The following SLC31A1 variants were observed in gnomAD, a reference collection of about 807,000 sequenced individuals.
SLC31A1 encodes the protein solute carrier family 31 member 1.
Under a neutral mutation model 17.2 loss-of-function variants are expected in SLC31A1, and 5 were observed. The ratio of observed to expected loss-of-function variants is 0.29; its 90% CI spans 0.15 to 0.61. The LOEUF (loss-of-function observed/expected upper bound fraction) is 0.61, where lower values mean the gene tolerates loss of function less well. SLC31A1 is among the 20% of genes least tolerant of loss of function. The pLI is 0.86. For missense variants in SLC31A1, 161 were observed against 241.4 expected (o/e 0.67, Z 2.21); for synonymous variants, 76 against 78.8 (o/e 0.96, Z 0.19).
chr9:113,260,141 T>G, intron 4 of SLC31A1, 131 bp from the exon 5 acceptor site: 1 of 770,934 alleles, frequency 1.3e-6, no homozygotes, highest in South Asian at 1.4e-5. Flanking sequence ...CAAAGAACAT[T>G]CAAGTACCCA....
At chr9:113,234,116 T>C (rs1831428457) in intron 1 of SLC31A1, among the ~76,000 whole-genome samples, 1 of 152,226 alleles carries the variant, frequency 6.6e-6, no homozygotes, top group Non-Finnish European at 1.5e-5. Context: ...CTCTGGTGAC[T>C]GTTCTACTCT....
intron 1 of SLC31A1, among the ~76,000 whole-genome samples, chr9:113,244,682 C>T (rs183637038): frequency 5.7e-4 from 87 of 152,192 alleles, no homozygotes; most frequent in African/African-American, 2.0e-3. Flanking sequence ...TCAACAAAGG[C>T]AAAAGGCAAA....
intron 1 of SLC31A1, among the ~76,000 whole-genome samples, chr9:113,249,298 C>CAAAAA (rs56013452): frequency 2.6e-4 from 31 of 118,034 alleles, no homozygotes; most frequent in African/African-American, 9.5e-4. Context: ...CCTCAATTGG[C>CAAAAA]AAAAAAAAAA....
rs754763546 is a variant in SLC31A1, at chr9:113,257,144, T to C, written c.161T>C (p.Val54Ala). The C allele has an allele frequency of 1.9e-6, 3 of 1,614,038 alleles. No homozygotes were observed. The Admixed American group carries it at 5.0e-5, about 27-fold the overall frequency. Residue 54 changes from valine (V) to alanine (A), a missense_variant, in exon 3 of 5, where the codon GTG becomes GCG. Coordinates refer to ENST00000374212, the MANE Select transcript of SLC31A1 (RefSeq NM_001859.4). ...PMTFYFGFKN[V>A]ELLFSGLVIN... Reference sequence around the variant, plus strand: ...ACCTTCTACTTTGGCTTTAAGAATGTGGAACTACTGTTTTCCGGTTTGGTG... The same window carrying C: ...ACCTTCTACTTTGGCTTTAAGAATGCGGAACTACTGTTTTCCGGTTTGGTG...
At chr9:113,236,194 G>A (rs1217074349) in intron 1 of SLC31A1, among the ~76,000 whole-genome samples, 1 of 152,086 alleles carries the variant, frequency 6.6e-6, no homozygotes, top group East Asian at 1.9e-4. Context: ...TGCCATGTTG[G>A]CCAGGCTGGT....
Position 113,221,568 on chromosome 9 carries a change from G to A in SLC31A1, c.-146G>A. On this transcript the variant is annotated 5_prime_UTR_variant, in exon 1 of 5. It adds an upstream start codon to the 5' untranslated region. Coordinates refer to ENST00000374212, the MANE Select transcript of SLC31A1 (RefSeq NM_001859.4). ...GAAATCCTCGGCCTCGGTGGCGGTG[G>A]TGGACACGTCGAGCCGGGTAGAAGT... is the stretch of plus-strand genomic sequence containing the variant. 2.2e-6 allele frequency: 1 copy of A among 451,212 alleles called. No homozygotes were observed. The highest frequency in any genetic ancestry group is 2.0e-5 in the South Asian group (1 of 49,032). The allele number at this position is 451,212 out of a possible 1,614,324, so 28.0% of individuals were successfully genotyped here. A position where few individuals can be genotyped will look rare whatever the true frequency, so the allele number is the denominator to read the frequency against.
chr9:113,238,222 C>T (rs1202093949), intron 1 of SLC31A1, among the ~76,000 whole-genome samples: 1 of 152,094 alleles, frequency 6.6e-6, no homozygotes, highest in East Asian at 1.9e-4. Context: ...TTTTGGTTGT[C>T]ACAACTGGGG....
chr9:113,240,632 G>T (rs946185099), intron 1 of SLC31A1, among the ~76,000 whole-genome samples: 2 of 152,108 alleles, frequency 1.3e-5, no homozygotes, highest in Admixed American at 6.6e-5. Context: ...ACATTTTTGT[G>T]CATGATAAAT....
At chr9:113,243,059 G>A (rs970582612) in intron 1 of SLC31A1, among the ~76,000 whole-genome samples, 11 of 149,488 alleles carry the variant, frequency 7.4e-5, no homozygotes, top group African/African-American at 2.7e-4. Context: ...AGGGCTTTGT[G>A]TTTTTATACT....
intron 1 of SLC31A1, among the ~76,000 whole-genome samples, chr9:113,226,278 A>G (rs1831341803): frequency 6.6e-6 from 1 of 152,174 alleles, no homozygotes; most frequent in African/African-American, 2.4e-5. Flanking sequence ...TGACTGGGGA[A>G]AAGGGAGGGA....
chr9:113,239,157 T>C (rs1831495488), intron 1 of SLC31A1, among the ~76,000 whole-genome samples: 1 of 152,108 alleles, frequency 6.6e-6, no homozygotes, highest in African/African-American at 2.4e-5. Flanking sequence ...AGCCGGGATT[T>C]GAATACCTTC....
rs1335725457 is a variant in SLC31A1, at chr9:113,221,697, C to G, written c.-36+19C>G. On this transcript the variant is annotated intron_variant, in intron 1 of 4. Coordinates refer to ENST00000374212, the MANE Select transcript of SLC31A1 (RefSeq NM_001859.4). ...TGGAAAGGTAAGGCTTCTCTCGGCC[C>G]CTCTTTCGCACCCCTGTGCATGGGT... 3.5e-6 allele frequency: 1 copy of G among 284,108 alleles called. No homozygotes were observed. The highest frequency in any genetic ancestry group is 1.0e-4 in the East Asian group (1 of 10,000). The allele number at this position is 284,108 out of a possible 1,614,324, so 17.6% of individuals were successfully genotyped here.
intron 1 of SLC31A1, among the ~76,000 whole-genome samples, chr9:113,248,191 G>A (rs756030005): frequency 6.6e-6 from 1 of 151,986 alleles, no homozygotes; most frequent in Non-Finnish European, 1.5e-5. Context: ...AGGTGTGGTG[G>A]TGTGCACCTG....
chr9:113,256,976 G>T, intron 2 of SLC31A1, 137 bp from the exon 3 acceptor site: 1 of 755,014 alleles, frequency 1.3e-6, no homozygotes, highest in Non-Finnish European at 2.4e-6. Context: ...CTAACATGAG[G>T]GCAAAAGCCT....
At chr9:113,242,706 A>C (rs901161240) in intron 1 of SLC31A1, among the ~76,000 whole-genome samples, 1 of 152,162 alleles carries the variant, frequency 6.6e-6, no homozygotes, top group Non-Finnish European at 1.5e-5. Context: ...CACCATGCCC[A>C]GCCTAAAATC....
At position 113,241,266 on chromosome 9, in the gene SLC31A1, G is replaced by A. The variant is rs571638438; in HGVS notation, c.-35-14848G>A. Among the ~76,000 whole-genome samples the A allele has an allele frequency of 5.3e-5, 8 of 152,136 alleles. No homozygotes were observed. The East Asian group carries it at 1.3e-3, about 26-fold the overall frequency. ...TTTTGCAGGCAGAAATTAGTTTTTC[G>A]GAGTGCAGCCTAAGAAGCAAATTAT... On this transcript the variant is annotated intron_variant, in intron 1 of 4. Coordinates refer to ENST00000374212, the MANE Select transcript of SLC31A1 (RefSeq NM_001859.4).
chr9:113,250,557 C>T (rs145395737), intron 1 of SLC31A1, among the ~76,000 whole-genome samples: 14,645 of 146,604 alleles, frequency 0.1, 996 homozygotes, highest in Non-Finnish European at 0.14. Flanking sequence ...AGGGATAGCA[C>T]TGGGAGATAT....
chr9:113,229,695 G>A (rs931158882), intron 1 of SLC31A1, among the ~76,000 whole-genome samples: 1 of 152,176 alleles, frequency 6.6e-6, no homozygotes, highest in Non-Finnish European at 1.5e-5. Context: ...AAGAATGTGG[G>A]CAGACTGATG....
chr9:113,247,490 C>T (rs965198449), intron 1 of SLC31A1, among the ~76,000 whole-genome samples: 2 of 152,190 alleles, frequency 1.3e-5, no homozygotes, highest in African/African-American at 2.4e-5. Context: ...AAGGCCAATA[C>T]TCAATGCTAA....
Sources: gnomAD v4.1 joint callset for allele counts (sites outside exome capture counted in the v4.1 genomes callset) on GRCh38, gnomAD v4.1.1 for gene constraint, MANE v1.5 for transcripts, NCBI Gene and HGNC (gene_info 2026-07-23, HGNC 2026-07-21) for gene names.